Variants in CFAP299 observed in about 807,000 individuals in gnomAD.
The protein encoded by CFAP299 is cilia- and flagella-associated protein 299.
CFAP299 carries 21 observed loss-of-function variants against 27.0 expected under a neutral mutation model. The observed-to-expected ratio is 0.78, with a 90% CI of 0.55 to 1.12. CFAP299 has a LOEUF of 1.12. Ranked by LOEUF, CFAP299 falls within the 50% of genes most tolerant of loss-of-function variation. The pLI is 0.00. For missense variants in CFAP299, 310 were observed against 276.6 expected (o/e 1.12, Z -0.86); for synonymous variants, 104 against 98.1 (o/e 1.06, Z -0.36).
intron 2 of CFAP299, among the ~76,000 whole-genome samples, chr4:80,373,974 G>A (rs1171064753): frequency 1.3e-5 from 2 of 152,114 alleles, no homozygotes; most frequent in African/African-American, 4.8e-5. Context: ...CACACAATAT[G>A]TTTCTTCTAG....
intron 2 of CFAP299, among the ~76,000 whole-genome samples, chr4:80,495,541 C>T (rs974162930): frequency 4.6e-5 from 7 of 152,104 alleles, no homozygotes; most frequent in Admixed American, 3.9e-4. Context: ...GTGGCTCACA[C>T]CTATGATCTC....
At chr4:80,804,993 A>C (rs1396051101) in intron 3 of CFAP299, among the ~76,000 whole-genome samples, 1 of 151,968 alleles carries the variant, frequency 6.6e-6, no homozygotes, top group Non-Finnish European at 1.5e-5. Context: ...TTTGGAGTGA[A>C]TCATTTAATT....
At chr4:80,626,236 G>A (rs1391730299) in intron 3 of CFAP299, among the ~76,000 whole-genome samples, 1 of 151,866 alleles carries the variant, frequency 6.6e-6, no homozygotes, top group African/African-American at 2.4e-5. Flanking sequence ...ATTAATTAGA[G>A]GAGACACTTT....
chr4:80,835,463 G>A (rs902603593), intron 3 of CFAP299, among the ~76,000 whole-genome samples: 8 of 150,134 alleles, frequency 5.3e-5, no homozygotes, highest in Non-Finnish European at 1.0e-4. Context: ...AAACACAACT[G>A]AGTATAGCAC....
chr4:80,370,058 A>G (rs543065543), intron 2 of CFAP299, among the ~76,000 whole-genome samples: 1 of 152,294 alleles, frequency 6.6e-6, no homozygotes, highest in African/African-American at 2.4e-5. Context: ...GCATGGTGGC[A>G]TCTGCTCAGC....
At chr4:80,724,062 T>C (rs1233391508) in intron 3 of CFAP299, among the ~76,000 whole-genome samples, 1 of 152,116 alleles carries the variant, frequency 6.6e-6, no homozygotes, top group East Asian at 1.9e-4. Context: ...TTTCCTTGGA[T>C]CCAACTCTGT....
At chr4:80,676,462 T>C (rs1000068413) in intron 3 of CFAP299, among the ~76,000 whole-genome samples, 5 of 152,208 alleles carry the variant, frequency 3.3e-5, no homozygotes, top group African/African-American at 1.2e-4. Flanking sequence ...AGGATAATGC[T>C]GGCCTGGTAG....
intron 3 of CFAP299, among the ~76,000 whole-genome samples, chr4:80,693,480 A>G (rs567819646): frequency 4.7e-4 from 67 of 143,722 alleles, no homozygotes; most frequent in African/African-American, 1.7e-3. Flanking sequence ...TCTCACTCAT[A>G]GGTGGGAACT....
chr4:80,432,324 G>A (rs761088768), intron 2 of CFAP299, among the ~76,000 whole-genome samples: 21 of 151,260 alleles, frequency 1.4e-4, no homozygotes, highest in Non-Finnish European at 2.8e-4. Flanking sequence ...GCTAATTTTT[G>A]TATTTTTTAG....
chr4:80,521,792 C>T (rs1305481990), intron 2 of CFAP299, among the ~76,000 whole-genome samples: 2 of 145,068 alleles, frequency 1.4e-5, no homozygotes, highest in African/African-American at 2.5e-5. Flanking sequence ...ACAGGATTCC[C>T]TTTTTTTTTT....
At chr4:80,679,492 G>A (rs992734714) in intron 3 of CFAP299, among the ~76,000 whole-genome samples, 3 of 151,860 alleles carry the variant, frequency 2.0e-5, no homozygotes, top group Non-Finnish European at 2.9e-5. Context: ...TATAAAAAGC[G>A]GCCAAACTAT....
intron 3 of CFAP299, among the ~76,000 whole-genome samples, chr4:80,777,028 A>C (rs1560746186): frequency 6.6e-6 from 1 of 151,964 alleles, no homozygotes; most frequent in Non-Finnish European, 1.5e-5. Context: ...TTGCTCTACT[A>C]TCATGTCTAC....
chr4:80,484,050 T>A (rs1057471639), intron 2 of CFAP299, among the ~76,000 whole-genome samples: 1 of 152,134 alleles, frequency 6.6e-6, no homozygotes, highest in African/African-American at 2.4e-5. Context: ...ATAGTGATTT[T>A]AAAAATGATA....
chr4:80,621,687 G>A (rs1037094537), intron 3 of CFAP299, among the ~76,000 whole-genome samples: 4 of 151,958 alleles, frequency 2.6e-5, no homozygotes, highest in African/African-American at 7.2e-5. Flanking sequence ...TTAATTATTT[G>A]TTTATAAAAA....
At chr4:80,340,794 T>C (rs1428151997) in intron 1 of CFAP299, among the ~76,000 whole-genome samples, 1 of 151,980 alleles carries the variant, frequency 6.6e-6, no homozygotes, top group Non-Finnish European at 1.5e-5. Context: ...TTATTTTTTT[T>C]TTTGGAGTTT....
chr4:80,321,288 A>T, the CFAP299 span, among the ~76,000 whole-genome samples: 1 of 152,258 alleles, frequency 6.6e-6, no homozygotes, highest in Non-Finnish European at 1.5e-5. Flanking sequence ...TAGCTTAATT[A>T]ATCAAATGTA....
intron 3 of CFAP299, among the ~76,000 whole-genome samples, chr4:80,856,761 A>G (rs527656802): frequency 0.012 from 1,803 of 152,098 alleles, 14 homozygotes; most frequent in South Asian, 0.064. Flanking sequence ...CCATTGATCT[A>G]TATCTCTGTT....
At position 80,880,046 on chromosome 4, in the gene CFAP299, G is replaced by T. The variant is rs145186541; in HGVS notation, c.476+9911G>T. ...AGTACCAAAGTCCTTTGACTGTGATGCACTGTCAAGAAAGTTCAGAAAATG... is the reference window on the plus strand; with the variant it reads ...AGTACCAAAGTCCTTTGACTGTGATTCACTGTCAAGAAAGTTCAGAAAATG... On this transcript the variant is annotated intron_variant, in intron 4 of 5. Coordinates refer to ENST00000358105, the MANE Select transcript of CFAP299 (RefSeq NM_152770.3). Among the ~76,000 whole-genome samples the T allele has an allele frequency of 1.3e-3, 191 of 152,080 alleles. 1 individual carries two copies. The highest frequency in any genetic ancestry group is 4.3e-3 in the African/African-American group (177 of 41,484).
At chr4:80,713,078 G>C (rs1211005695) in intron 3 of CFAP299, among the ~76,000 whole-genome samples, 1 of 152,128 alleles carries the variant, frequency 6.6e-6, no homozygotes, top group Admixed American at 6.6e-5. Context: ...CCATTCAAGG[G>C]TATGTAGGAG....
Sources: allele counts gnomAD v4.1 joint callset (sites outside exome capture counted in the v4.1 genomes callset), GRCh38; gene constraint gnomAD v4.1.1; transcripts MANE v1.5; gene names NCBI Gene and HGNC (gene_info 2026-07-23, HGNC 2026-07-21).